KLC1: variants seen among roughly 807,000 people sequenced by gnomAD.
The protein encoded by KLC1 is kinesin 2 60/70kDa.
KLC1 carries 30 observed loss-of-function variants against 84.2 expected under a neutral mutation model. That is an observed-to-expected ratio of 0.36 (90% CI 0.27 to 0.48). The LOEUF (loss-of-function observed/expected upper bound fraction) is 0.48, where lower values mean the gene tolerates loss of function less well. KLC1 is among the 20% of genes least tolerant of loss of function. KLC1 has a pLI of 0.99. For synonymous variants in KLC1, 289 were observed against 293.3 expected, an observed-to-expected ratio of 0.99 and a Z score of 0.15; for missense variants, 499 against 805.4, an observed-to-expected ratio of 0.62 and a Z score of 4.60.
intron 1 of KLC1, among the ~76,000 whole-genome samples, chr14:103,638,656 ATTTTTT>A (rs57470429): frequency 1.0e-5 from 1 of 100,120 alleles, no homozygotes; most frequent in Non-Finnish European, 2.0e-5. Flanking sequence ...CATTTCATTA[ATTTTTT>A]TTTTTTTTTT....
chr14:103,699,041 C>G (rs2082846063), intron 15 of KLC1: 1 of 1,570,454 alleles, frequency 6.4e-7, no homozygotes, highest in African/African-American at 1.4e-5. Flanking sequence ...AGCAGGCAAG[C>G]TGGCGCTCAG....
chr14:103,636,004 T>C (rs914690810), intron 1 of KLC1, among the ~76,000 whole-genome samples: 3 of 152,142 alleles, frequency 2.0e-5, no homozygotes, highest in African/African-American at 7.2e-5. Context: ...CTCGCGCCAC[T>C]TCAATTTTTT....
At chr14:103,698,416 G>T in intron 15 of KLC1, 1 of 310,698 alleles carries the variant, frequency 3.2e-6, no homozygotes, top group East Asian at 8.8e-5. Context: ...CCCCAGCCCA[G>T]GGGGCAGGCC....
intron 14 of KLC1, among the ~76,000 whole-genome samples, chr14:103,691,210 C>G (rs115129172): frequency 0.018 from 2,651 of 145,604 alleles, 70 homozygotes; most frequent in African/African-American, 0.059. Flanking sequence ...CCAGGCTGGA[C>G]TACAGTGGAG....
intron 1 of KLC1, among the ~76,000 whole-genome samples, chr14:103,637,186 TAATA>T (rs940874487): frequency 4.6e-5 from 7 of 152,146 alleles, no homozygotes; most frequent in African/African-American, 1.4e-4. Flanking sequence ...TAGTGCCTTT[TAATA>T]AATCAATACT....
At chr14:103,638,135 G>T (rs1159788801) in intron 1 of KLC1, among the ~76,000 whole-genome samples, 1 of 152,036 alleles carries the variant, frequency 6.6e-6, no homozygotes, top group African/African-American at 2.4e-5. Flanking sequence ...GATCTGGCCA[G>T]CACTGCCAGG....
chr14:103,654,789 A>G lies in KLC1; in HGVS notation c.225A>G (p.Ser75=). The G allele has an allele frequency of 1.2e-6, 2 of 1,614,218 alleles. No individual in the cohort carries two copies. The highest frequency in any genetic ancestry group is 1.7e-6 in the Non-Finnish European group (2 of 1,180,030). The change falls in exon 2 of 17, where the codon TCA becomes TCG. Residue 75 remains serine (S), a synonymous_variant. Coordinates refer to ENST00000334553, the MANE Select transcript of KLC1 (RefSeq NM_001394837.1). The part of the protein sequence containing the change: ...VEEKSNMIRK[S]LEMLELGLSE... ...AGAAATCAAACATGATCCGGAAGTC[A>G]CTGGAGATGTTGGAGCTCGGCCTGA... is the stretch of plus-strand genomic sequence containing the variant.
intron 11 of KLC1, among the ~76,000 whole-genome samples, chr14:103,676,462 C>T (rs1441587684): frequency 6.6e-6 from 1 of 152,152 alleles, no homozygotes; most frequent in Non-Finnish European, 1.5e-5. Context: ...GACAGAGTTT[C>T]ACCGTGTTGG....
chr14:103,687,694 T>C (rs2081866732), intron 14 of KLC1: 1 of 152,256 alleles, frequency 6.6e-6, no homozygotes, highest in Admixed American at 6.5e-5. Context: ...ATCAGAACTT[T>C]TAAGACTTTA....
At chr14:103,696,340 C>A in intron 15 of KLC1, 1 of 985,390 alleles carries the variant, frequency 1.0e-6, no homozygotes, top group Non-Finnish European at 1.2e-6. Context: ...CTCTCATGGG[C>A]AGCACTTGGT....
chr14:103,642,134 T>C (rs1338836019), intron 1 of KLC1, among the ~76,000 whole-genome samples: 1 of 152,118 alleles, frequency 6.6e-6, no homozygotes, highest in African/African-American at 2.4e-5. Flanking sequence ...TTCACCATAT[T>C]GACTAGGCTG....
intron 5 of KLC1, among the ~76,000 whole-genome samples, chr14:103,668,740 A>G (rs1379715298): frequency 6.6e-6 from 1 of 150,926 alleles, no homozygotes; most frequent in Non-Finnish European, 1.5e-5. Flanking sequence ...CAGCCTCCCA[A>G]AGTGTTGGGA....
At chr14:103,632,735 C>A (rs1249079844) in intron 1 of KLC1, among the ~76,000 whole-genome samples, 5 of 151,790 alleles carry the variant, frequency 3.3e-5, no homozygotes, top group African/African-American at 4.8e-5. Flanking sequence ...AAAAATAAAA[C>A]CAAAAAACAA....
intron 15 of KLC1, among the ~76,000 whole-genome samples, chr14:103,692,805 T>G (rs1595578619): frequency 6.6e-6 from 1 of 152,362 alleles, no homozygotes; most frequent in East Asian, 1.9e-4. Context: ...AATTGTCTAC[T>G]TAAGCTGTTG....
rs34566193 is a variant in KLC1, at chr14:103,694,038, C to A, written c.1848+1613C>A. ...ATCTGGAAACATAAAGTACCCCTTT[C>A]AGAACGATAGGCATTTAGTGATCTA... On this transcript the variant is annotated intron_variant, in intron 15 of 16. Coordinates refer to ENST00000334553, the MANE Select transcript of KLC1 (RefSeq NM_001394837.1). The surrounding 1 kb of genome is among the most constrained non-coding windows in gnomAD (Gnocchi z 4.5). 2.1e-3 allele frequency: 2,101 copies of A among 1,004,512 alleles called. 6 individuals are homozygous for A. In the Middle Eastern group the frequency reaches 0.032, roughly 15 times the overall value. 62.2% of individuals were successfully genotyped at this position (1,004,512 alleles called of 1,614,324 possible). A position where few individuals can be genotyped will look rare whatever the true frequency, so the allele number is the denominator to read the frequency against.
chr14:103,681,536 T>C (rs1253152819), intron 13 of KLC1, among the ~76,000 whole-genome samples: 1 of 151,998 alleles, frequency 6.6e-6, no homozygotes, highest in Non-Finnish European at 1.5e-5. Flanking sequence ...CTCGGCTCAC[T>C]GCAACCTCTG....
At chr14:103,678,331 A>G (rs2081087017) in intron 12 of KLC1, among the ~76,000 whole-genome samples, 1 of 152,140 alleles carries the variant, frequency 6.6e-6, no homozygotes, top group African/African-American at 2.4e-5. Context: ...CAAAATAAAA[A>G]CTAGATCTGT....
chr14:103,653,519 G>A (rs1359416655), intron 1 of KLC1, among the ~76,000 whole-genome samples: 2 of 152,098 alleles, frequency 1.3e-5, no homozygotes, highest in Admixed American at 6.6e-5. Context: ...ACAGGGTTTC[G>A]CCGTGTTGGC....
intron 1 of KLC1, among the ~76,000 whole-genome samples, chr14:103,641,433 G>A (rs1221367550): frequency 1.3e-5 from 2 of 151,844 alleles, no homozygotes; most frequent in East Asian, 1.9e-4. Flanking sequence ...AGTGACTCAC[G>A]AACAACACAA....
Sources: gnomAD v4.1 joint callset for allele counts (sites outside exome capture counted in the v4.1 genomes callset) on GRCh38, gnomAD v4.1.1 for gene constraint, Gnocchi (gnomAD v3.1) non-coding constraint, MANE v1.5 for transcripts, NCBI Gene and HGNC (gene_info 2026-07-23, HGNC 2026-07-21) for gene names.